The following ZNF382 variants were observed in gnomAD, a reference collection of about 807,000 sequenced individuals.
ZNF382 encodes the protein zinc finger protein 382.
In ZNF382, 20 loss-of-function variants were observed where a neutral mutation model predicts 38.8. The ratio of observed to expected loss-of-function variants is 0.51; its 90% CI spans 0.36 to 0.75. The LOEUF (loss-of-function observed/expected upper bound fraction) is 0.75, where lower values mean the gene tolerates loss of function less well. Among genes scored for constraint, ZNF382 ranks in the 30% least tolerant of loss-of-function variants. The pLI, the probability that ZNF382 is intolerant of heterozygous loss-of-function variation, is 0.00. For missense variants in ZNF382, 546 were observed against 654.1 expected (o/e 0.83, Z 1.80); for synonymous variants, 202 against 223.1 (o/e 0.91, Z 0.84).
intron 1 of ZNF382, 137 bp from the exon 2 acceptor site, chr19:36,607,415 C>G (rs2037043518): frequency 1.8e-6 from 1 of 571,168 alleles, no homozygotes; most frequent in African/African-American, 2.0e-5. Context: ...AACTACCATC[C>G]TGGACATCTG....
At chr19:36,611,542 A>T (rs2037078035) in intron 4 of ZNF382, among the ~76,000 whole-genome samples, 1 of 152,038 alleles carries the variant, frequency 6.6e-6, no homozygotes, top group African/African-American at 2.4e-5. Context: ...TTATTCATTC[A>T]TCCGTCAGTG....
chr19:36,610,224 G>A (rs1028392628), intron 3 of ZNF382, among the ~76,000 whole-genome samples, 171 bp downstream of exon 3: 3 of 152,084 alleles, frequency 2.0e-5, no homozygotes, highest in African/African-American at 7.2e-5. Context: ...GGGAGGCCGA[G>A]GCAGGTGGAT....
At chr19:36,625,089 A>AATATATATATATATATATATAT (rs371760229) in intron 4 of ZNF382, among the ~76,000 whole-genome samples, 16 of 42,990 alleles carry the variant, frequency 3.7e-4, no homozygotes, top group South Asian at 1.3e-3. Context: ...AATGAATTTA[A>AATATATATATATATATATATAT]ATATATATAT....
At chr19:36,608,318 T>C (rs182520840) in intron 2 of ZNF382, 9 of 152,316 alleles carry the variant, frequency 5.9e-5, no homozygotes, top group South Asian at 2.1e-4. Flanking sequence ...TTCCTACAAA[T>C]TGTGGGCTGC....
chr19:36,625,434 T>C (rs1046248450), intron 4 of ZNF382, among the ~76,000 whole-genome samples: 2 of 152,044 alleles, frequency 1.3e-5, no homozygotes, highest in Non-Finnish European at 2.9e-5. Flanking sequence ...TCCTAAATAA[T>C]TTTTTGTCAC....
chr19:36,610,510 A>G (rs1370317908), intron 3 of ZNF382, 140 bp from the exon 4 acceptor site: 1 of 548,552 alleles, frequency 1.8e-6, no homozygotes, highest in African/African-American at 1.9e-5. Flanking sequence ...TTATATCATC[A>G]CTTGTGTAGT....
In ZNF382 at chr19:36,633,631, T is replaced by C. The variant is rs2037267134; in HGVS notation, c.*6081T>C. 1 of 151,962 alleles carries C rather than the reference T, an allele frequency of 6.6e-6. No individual in the cohort carries two copies. Among genetic ancestry groups the C allele is most frequent in the Admixed American group, 6.6e-5 (1 of 15,238 alleles). The allele number at this position is 151,962 out of a possible 1,614,324, so 9.4% of individuals were successfully genotyped here. A position where few individuals can be genotyped will look rare whatever the true frequency, so the allele number is the denominator to read the frequency against. On this transcript the variant is annotated 3_prime_UTR_variant, in exon 5 of 5. Coordinates refer to ENST00000292928, the MANE Select transcript of ZNF382 (RefSeq NM_032825.5). ...TTATGTGCACACAGAAACCTGTACA[T>C]GAGTGTTTGTAAGTATTATTTATAA...
Position 36,627,588 on chromosome 19 carries a change from A to G in ZNF382, c.*38A>G. ...TTTTTGTAAAAAAATGTTAAGTCAT[A>G]GTAAACCCTGTAGATGATGTTGCTT... is the stretch of plus-strand genomic sequence containing the variant. On this transcript the variant is annotated 3_prime_UTR_variant, in exon 5 of 5. Coordinates refer to ENST00000292928, the MANE Select transcript of ZNF382 (RefSeq NM_032825.5). 2.0e-6 allele frequency: 3 copies of G among 1,479,818 alleles called. No individual in the cohort carries two copies. Among genetic ancestry groups the G allele is most frequent in the Non-Finnish European group, 2.8e-6 (3 of 1,067,870 alleles). 91.7% of individuals were successfully genotyped at this position (1,479,818 alleles called of 1,614,324 possible).
chr19:36,613,645 G>A (rs2037097119), intron 4 of ZNF382, among the ~76,000 whole-genome samples: 1 of 151,732 alleles, frequency 6.6e-6, no homozygotes, highest in Admixed American at 6.6e-5. Context: ...TATCCTTGTT[G>A]GTCAGGCTGG....
intron 4 of ZNF382, among the ~76,000 whole-genome samples, chr19:36,621,344 T>TC (rs1274460249): frequency 1.3e-5 from 2 of 149,886 alleles, no homozygotes; most frequent in Non-Finnish European, 3.0e-5. Flanking sequence ...TTTTTTTTTT[T>TC]TTCCAGTTTT....
chr19:36,621,277 T>C (rs60272715), intron 4 of ZNF382, among the ~76,000 whole-genome samples: 2 of 151,428 alleles, frequency 1.3e-5, no homozygotes, highest in South Asian at 4.2e-4. Context: ...TCATTTCAGG[T>C]GTGGGCTACT....
At position 36,632,519 on chromosome 19, in the gene ZNF382, T is replaced by G. The variant is rs1194979850; in HGVS notation, c.*4969T>G. ...CTGCATGGGTATTTATGCTTCTCTGTTCACTGGTTACATAGTCAAGCCAGG... is the reference window on the plus strand; with the variant it reads ...CTGCATGGGTATTTATGCTTCTCTGGTCACTGGTTACATAGTCAAGCCAGG... On this transcript the variant is annotated 3_prime_UTR_variant, in exon 5 of 5. Transcript: ENST00000292928. The G allele has an allele frequency of 6.6e-6, 1 of 152,220 alleles. No homozygotes were observed. Among genetic ancestry groups the G allele is most frequent in the Non-Finnish European group, 1.5e-5 (1 of 68,058 alleles). The allele number at this position is 152,220 out of a possible 1,614,324, so 9.4% of individuals were successfully genotyped here. A position where few individuals can be genotyped will look rare whatever the true frequency, so the allele number is the denominator to read the frequency against.
chr19:36,605,750 ATGT>A (rs1454541280), intron 1 of ZNF382: 2 of 152,164 alleles, frequency 1.3e-5, no homozygotes, highest in African/African-American at 4.8e-5. Context: ...TCTCTTTGGG[ATGT>A]TGTGGCCGAT....
At chr19:36,613,614 AT>A (rs1356155477) in intron 4 of ZNF382, among the ~76,000 whole-genome samples, 1 of 151,530 alleles carries the variant, frequency 6.6e-6, no homozygotes, top group Non-Finnish European at 1.5e-5. Context: ...CTAATTCTGT[AT>A]TTTTAGTAGA....
chr19:36,619,271 A>T (rs978370972), intron 4 of ZNF382, among the ~76,000 whole-genome samples: 4 of 152,196 alleles, frequency 2.6e-5, no homozygotes, highest in African/African-American at 4.8e-5. Context: ...ATGCCAGCAG[A>T]TGGGAGTTGG....
In ZNF382 at chr19:36,626,564, A is replaced by C. The variant is rs1419855572; in HGVS notation, c.667A>C (p.Met223Leu). Residue 223 changes from methionine to leucine, a missense_variant, in exon 5 of 5, where the codon ATG (methionine) becomes CTG (leucine). Coordinates refer to ENST00000292928, the MANE Select transcript of ZNF382 (RefSeq NM_032825.5). ...DHNECEKSFL[M>L]KGMLFTHTRA... is the part of the protein sequence containing the mutation. ...TAATGAATGTGAAAAATCCTTCCTG[A>C]TGAAAGGAATGCTATTTACACATAC... The C allele has an allele frequency of 6.2e-7, 1 of 1,613,756 alleles. No individual in the cohort carries two copies. Among genetic ancestry groups the C allele is most frequent in the Non-Finnish European group, 8.5e-7 (1 of 1,179,918 alleles).
At chr19:36,613,707 TG>T (rs1568628235) in intron 4 of ZNF382, among the ~76,000 whole-genome samples, 2 of 152,128 alleles carry the variant, frequency 1.3e-5, no homozygotes, top group Non-Finnish European at 1.5e-5. Flanking sequence ...CCCAAAGTGC[TG>T]GGATTACAGG....
intron 4 of ZNF382, among the ~76,000 whole-genome samples, chr19:36,618,171 G>A (rs1311973566): frequency 6.6e-6 from 1 of 152,086 alleles, no homozygotes; most frequent in Non-Finnish European, 1.5e-5. Context: ...CCCCATATTG[G>A]TCTTCATGAA....
At chr19:36,614,347 GCAAA>G (rs2037104090) in intron 4 of ZNF382, among the ~76,000 whole-genome samples, 1 of 151,990 alleles carries the variant, frequency 6.6e-6, no homozygotes, top group Non-Finnish European at 1.5e-5. Flanking sequence ...CTCAAAAAAA[GCAAA>G]CAAACAAATG....
Sources: allele counts gnomAD v4.1 joint callset (sites outside exome capture counted in the v4.1 genomes callset), GRCh38; gene constraint gnomAD v4.1.1; transcripts MANE v1.5; gene names NCBI Gene and HGNC (gene_info 2026-07-23, HGNC 2026-07-21).